Variants in ADAMTSL3 observed in about 807,000 individuals in gnomAD.
ADAMTSL3 encodes the protein ADAMTS-like protein 3.
In ADAMTSL3, 128 loss-of-function variants were observed where a neutral mutation model predicts 201.7. That is an observed-to-expected ratio of 0.63 (90% CI 0.55 to 0.73). The LOEUF is 0.73. ADAMTSL3 is among the 30% of genes least tolerant of loss of function. The probability of loss-of-function intolerance (pLI) is 0.00; values close to 1 mark genes in which losing one functional copy is unlikely to be tolerated. For synonymous variants in ADAMTSL3, 738 were observed against 748.4 expected, an observed-to-expected ratio of 0.99 and a Z score of 0.23; for missense variants, 1,990 against 2,119.6, an observed-to-expected ratio of 0.94 and a Z score of 1.20.
chr15:83,734,570 C>T (rs1190542653), intron 3 of ADAMTSL3, among the ~76,000 whole-genome samples: 6 of 152,148 alleles, frequency 3.9e-5, no homozygotes, highest in East Asian at 3.9e-4. Flanking sequence ...CACTTGTGTG[C>T]CTGCTTTGTG....
chr15:83,913,439 A>G, intron 16 of ADAMTSL3, 61 bp downstream of exon 16: 1 of 1,549,990 alleles, frequency 6.5e-7, no homozygotes, highest in Non-Finnish European at 8.8e-7. Flanking sequence ...TTGAGAAATT[A>G]CTCAATCAGG....
Position 83,872,642 on chromosome 15 carries a change from C to G in ADAMTSL3, c.960+1683C>G, listed in dbSNP as rs142151398. Among the ~76,000 whole-genome samples, 24 of 66,916 alleles carry G rather than the reference C, an allele frequency of 3.6e-4. No homozygotes were observed. In the East Asian group the frequency reaches 5.6e-3, roughly 16 times the overall value. 43.9% of individuals were successfully genotyped at this position (66,916 alleles called of 152,430 possible). On this transcript the variant is annotated intron_variant, in intron 9 of 29. Transcript: ENST00000286744. The stretch of plus-strand genomic sequence containing the variant: ...CACACACACACAGAGTTTTTGTTCT[C>G]TTTTAATTACTACTCAGAGAATCTG...
chr15:83,855,535 C>G (rs995434484), intron 7 of ADAMTSL3, among the ~76,000 whole-genome samples: 10 of 152,150 alleles, frequency 6.6e-5, no homozygotes, highest in Non-Finnish European at 1.5e-4. Flanking sequence ...GAAGGAGCTC[C>G]AAACCCATTC....
At chr15:84,014,888 T>A (rs2068063774) in intron 24 of ADAMTSL3, among the ~76,000 whole-genome samples, 164 bp downstream of exon 24, 1 of 152,098 alleles carries the variant, frequency 6.6e-6, no homozygotes, top group South Asian at 2.1e-4. Flanking sequence ...TCTAACACCC[T>A]ATTTTACCAC....
Position 83,885,985 on chromosome 15 carries a change from A to C in ADAMTSL3, c.1072+773A>C, listed in dbSNP as rs144623446. 8.9e-3 allele frequency among the ~76,000 whole-genome samples: 1,348 copies of C among 152,244 alleles called. 7 individuals are homozygous for C. Among genetic ancestry groups the C allele is most frequent in the Non-Finnish European group, 0.014 (953 of 68,010 alleles). ...GTGATCTACCTACCTTGGTCTCCCA[A>C]AGTGCTGGGATTACAGGCATGAGCC... On this transcript the variant is annotated intron_variant, in intron 10 of 29. Coordinates refer to ENST00000286744, the MANE Select transcript of ADAMTSL3 (RefSeq NM_207517.3).
intron 16 of ADAMTSL3, among the ~76,000 whole-genome samples, chr15:83,921,188 C>T (rs1852264): frequency 0.63 from 95,355 of 151,988 alleles, 30,997 homozygotes; most frequent in African/African-American, 0.79. Flanking sequence ...TTGGGGAGTT[C>T]AATTGTTTAT....
intron 3 of ADAMTSL3, among the ~76,000 whole-genome samples, chr15:83,747,842 A>C (rs970779167): frequency 6.6e-6 from 1 of 151,438 alleles, no homozygotes; most frequent in Non-Finnish European, 1.5e-5. Flanking sequence ...GGAGAAGCGG[A>C]TCTTATTTCA....
At chr15:83,898,201 G>A (rs1052242531) in intron 14 of ADAMTSL3, among the ~76,000 whole-genome samples, 196 bp downstream of exon 14, 2 of 152,014 alleles carry the variant, frequency 1.3e-5, no homozygotes, top group Non-Finnish European at 1.5e-5. Context: ...CTGAGCTCCT[G>A]TTGATTCAGT....
At chr15:83,895,862 A>G (rs904768128) in intron 13 of ADAMTSL3, among the ~76,000 whole-genome samples, 1 of 152,172 alleles carries the variant, frequency 6.6e-6, no homozygotes, top group Admixed American at 6.6e-5. Flanking sequence ...CGCTGAACTC[A>G]TTAAAGTATT....
In ADAMTSL3 at chr15:83,973,148, A is replaced by G. The variant is rs529248301; in HGVS notation, c.2644+2511A>G. On this transcript the variant is annotated intron_variant, in intron 20 of 29. Transcript: ENST00000286744. ...TAACACCTGATATCCCAATTTCCCA[A>G]CCTCATCAATTCCACTGACCCCATC... 7.2e-5 allele frequency among the ~76,000 whole-genome samples: 11 copies of G among 151,964 alleles called. No homozygotes were observed. In the South Asian group the frequency reaches 2.1e-3, roughly 29 times the overall value.
At position 83,825,488 on chromosome 15, in the gene ADAMTSL3, C is replaced by G. The variant is rs114879961; in HGVS notation, c.600+5441C>G. Among the ~76,000 whole-genome samples, 430 of 152,148 alleles carry G rather than the reference C, an allele frequency of 2.8e-3. 3 individuals carry two copies. The highest frequency in any genetic ancestry group is 0.01 in the African/African-American group (417 of 41,492). Reference sequence around the variant, plus strand: ...ATTAGCTGGGTGTGTTGGCGCAAGCCTATGGTCCTAGCTACTTGCTACTCA... The same window carrying G: ...ATTAGCTGGGTGTGTTGGCGCAAGCGTATGGTCCTAGCTACTTGCTACTCA... On this transcript the variant is annotated intron_variant, in intron 6 of 29. Transcript: ENST00000286744.
rs151056209 is a variant in ADAMTSL3, at chr15:84,005,407, C to G, written c.3974-9135C>G. On this transcript the variant is annotated intron_variant, in intron 23 of 29. Transcript: ENST00000286744. ...GCTGTTTAGGAGTTCCTCCTATCCCCTTTACTGGAATCAGTAGTTTACACC... is the reference window on the plus strand; with the variant it reads ...GCTGTTTAGGAGTTCCTCCTATCCCGTTTACTGGAATCAGTAGTTTACACC... Among the ~76,000 whole-genome samples the G allele has an allele frequency of 2.3e-3, 354 of 152,346 alleles. 1 individual carries two copies. The highest frequency in any genetic ancestry group is 4.4e-3 in the Non-Finnish European group (297 of 68,032).
chr15:83,882,951 A>T (rs576540900), intron 9 of ADAMTSL3, among the ~76,000 whole-genome samples: 1 of 152,038 alleles, frequency 6.6e-6, no homozygotes, highest in East Asian at 1.9e-4. Context: ...ATTCTAAGCA[A>T]TTATATCATT....
chr15:83,879,155 T>G (rs927804077), intron 9 of ADAMTSL3, among the ~76,000 whole-genome samples: 2 of 152,190 alleles, frequency 1.3e-5, no homozygotes, highest in African/African-American at 4.8e-5. Flanking sequence ...TTCTCCTTGC[T>G]CAGTCACATC....
intron 5 of ADAMTSL3, among the ~76,000 whole-genome samples, chr15:83,813,758 C>CTGCT (rs2141890458): frequency 6.6e-6 from 1 of 152,272 alleles, no homozygotes; most frequent in South Asian, 2.1e-4. Context: ...CAGACATAAC[C>CTGCT]TGCTGATCAG....
chr15:83,889,083 TAGA>T (rs1236746617), intron 10 of ADAMTSL3, among the ~76,000 whole-genome samples: 1 of 152,224 alleles, frequency 6.6e-6, no homozygotes, highest in African/African-American at 2.4e-5. Context: ...TTTCAGGAAA[TAGA>T]AGCATCATTT....
At chr15:84,007,090 T>C (rs1272135486) in intron 23 of ADAMTSL3, among the ~76,000 whole-genome samples, 1 of 152,234 alleles carries the variant, frequency 6.6e-6, no homozygotes. Flanking sequence ...GGTCCTGTAC[T>C]CTGGTGTGGT....
chr15:83,743,736 C>T (rs2062497171), intron 3 of ADAMTSL3, among the ~76,000 whole-genome samples: 1 of 152,070 alleles, frequency 6.6e-6, no homozygotes, highest in African/African-American at 2.4e-5. Context: ...TGAGAATAGA[C>T]AGCAGTTGTA....
intron 13 of ADAMTSL3, among the ~76,000 whole-genome samples, chr15:83,894,285 C>A (rs1358381894): frequency 6.6e-6 from 1 of 152,182 alleles, no homozygotes; most frequent in Non-Finnish European, 1.5e-5. Flanking sequence ...TTCAAACTTG[C>A]TGGGGAAGAA....
Sources: gnomAD v4.1 joint callset for allele counts (sites outside exome capture counted in the v4.1 genomes callset) on GRCh38, gnomAD v4.1.1 for gene constraint, MANE v1.5 for transcripts, NCBI Gene and HGNC (gene_info 2026-07-23, HGNC 2026-07-21) for gene names.